The following PAPSS1 variants were observed in gnomAD, a reference collection of about 807,000 sequenced individuals.
The protein encoded by PAPSS1 is 3'-phosphoadenosine 5'-phosphosulfate synthase 1, also known as bifunctional 3'-phosphoadenosine 5'-phosphosulfate synthase 1.
Under a neutral mutation model 72.0 loss-of-function variants are expected in PAPSS1, and 50 were observed. The observed-to-expected ratio is 0.69, with a 90% CI of 0.55 to 0.88. The LOEUF is 0.88. Among genes scored for constraint, PAPSS1 ranks in the 40% least tolerant of loss-of-function variants. The probability of loss-of-function intolerance (pLI) is 0.00; values close to 1 mark genes in which losing one functional copy is unlikely to be tolerated. For missense variants in PAPSS1, 657 were observed against 782.2 expected, an observed-to-expected ratio of 0.84 and a Z score of 1.91; for synonymous variants, 261 against 263.6, an observed-to-expected ratio of 0.99 and a Z score of 0.09.
At chr4:107,651,802 A>T (rs558186906) in intron 9 of PAPSS1, among the ~76,000 whole-genome samples, 1 of 152,276 alleles carries the variant, frequency 6.6e-6, no homozygotes, top group Non-Finnish European at 1.5e-5. Context: ...TCAACAACTT[A>T]ATCTCTTACT....
intron 11 of PAPSS1, among the ~76,000 whole-genome samples, chr4:107,621,608 CTTTTTTTTTTT>C (rs10670438): frequency 0.016 from 789 of 48,154 alleles, 18 homozygotes; most frequent in African/African-American, 0.049. Context: ...GGTTTTTTAT[CTTTTTTTTTTT>C]TTTTTTTTTT....
intron 5 of PAPSS1, among the ~76,000 whole-genome samples, chr4:107,678,818 C>T (rs1170127695): frequency 6.6e-6 from 1 of 152,082 alleles, no homozygotes; most frequent in Non-Finnish European, 1.5e-5. Flanking sequence ...ACTCACCAGA[C>T]CCTTCTTTCA....
intron 5 of PAPSS1, among the ~76,000 whole-genome samples, chr4:107,674,231 A>C (rs1727576880): frequency 6.6e-6 from 1 of 152,218 alleles, no homozygotes; most frequent in African/African-American, 2.4e-5. Context: ...TAAAAGACAC[A>C]GACTGGCAAA....
chr4:107,683,364 G>GA (rs11286103), intron 4 of PAPSS1, among the ~76,000 whole-genome samples: 14 of 150,550 alleles, frequency 9.3e-5, no homozygotes, highest in East Asian at 5.8e-4. Flanking sequence ...AAATGGCTGG[G>GA]AAAAAAAAAA....
chr4:107,655,029 A>C (rs915244496), intron 7 of PAPSS1, 129 bp from the exon 8 acceptor site: 1 of 628,834 alleles, frequency 1.6e-6, no homozygotes, highest in African/African-American at 1.8e-5. Flanking sequence ...ACAGTATTCA[A>C]CTGGTACCTG....
intron 7 of PAPSS1, among the ~76,000 whole-genome samples, chr4:107,656,679 T>C (rs955110820): frequency 6.6e-6 from 1 of 152,120 alleles, no homozygotes; most frequent in African/African-American, 2.4e-5. Context: ...AGATTTTCCC[T>C]CTCTCTTTGC....
chr4:107,638,463 C>T (rs948844948), intron 10 of PAPSS1, among the ~76,000 whole-genome samples: 1 of 152,068 alleles, frequency 6.6e-6, no homozygotes, highest in Non-Finnish European at 1.5e-5. Flanking sequence ...TCAGAACAAC[C>T]AGCAACCAAA....
intron 10 of PAPSS1, among the ~76,000 whole-genome samples, chr4:107,632,213 T>C (rs1226881024): frequency 2.0e-5 from 3 of 152,114 alleles, no homozygotes; most frequent in African/African-American, 7.2e-5. Context: ...AGGTTAGAAG[T>C]CAGGATAATG....
intron 3 of PAPSS1, among the ~76,000 whole-genome samples, chr4:107,692,271 A>T (rs114404363): frequency 1.3e-5 from 2 of 152,186 alleles, no homozygotes; most frequent in Non-Finnish European, 2.9e-5. Context: ...ACAGAATGGG[A>T]TCAACAAGGA....
Position 107,614,117 on chromosome 4 carries a change from G to T in PAPSS1, c.*132C>A. The T allele has an allele frequency of 1.2e-6, 1 of 865,568 alleles. No homozygotes were observed. The highest frequency in any genetic ancestry group is 2.1e-5 in the South Asian group (1 of 48,350). The allele number at this position is 865,568 out of a possible 1,614,324, so 53.6% of individuals were successfully genotyped here. A position where few individuals can be genotyped will look rare whatever the true frequency, so the allele number is the denominator to read the frequency against. The stretch of plus-strand genomic sequence containing the variant: ...ACTCATAAGGCAGACCAAAACTGAT[G>T]CAAGTTAAGGAAAATGGTCTGTTTT... On this transcript the variant is annotated 3_prime_UTR_variant, in exon 12 of 12. Transcript: ENST00000265174.
chr4:107,689,971 T>C (rs1722876119), intron 3 of PAPSS1, among the ~76,000 whole-genome samples: 2 of 152,176 alleles, frequency 1.3e-5, no homozygotes, highest in Admixed American at 1.3e-4. Context: ...CAGGTCTTAC[T>C]GATGCTACTC....
At chr4:107,689,008 T>A (rs927972288) in intron 3 of PAPSS1, among the ~76,000 whole-genome samples, 1 of 152,194 alleles carries the variant, frequency 6.6e-6, no homozygotes, top group African/African-American at 2.4e-5. Flanking sequence ...GTCCTTCAGA[T>A]GTTACTTCTA....
At chr4:107,681,486 T>C (rs1038007815) in intron 5 of PAPSS1, among the ~76,000 whole-genome samples, 1 of 152,106 alleles carries the variant, frequency 6.6e-6, no homozygotes, top group African/African-American at 2.4e-5. Flanking sequence ...TGGGCCTGAG[T>C]ACCCTGGAGA....
intron 11 of PAPSS1, among the ~76,000 whole-genome samples, chr4:107,630,690 G>C (rs1486310679): frequency 3.3e-5 from 5 of 152,142 alleles, no homozygotes; most frequent in Non-Finnish European, 7.4e-5. Flanking sequence ...TTTGAAGACA[G>C]AAGTTGTGCT....
rs182526242 is a variant in PAPSS1, at chr4:107,654,719, T to A, written c.1077A>T (p.Thr359=). 9.3e-6 allele frequency: 15 copies of A among 1,613,234 alleles called. No homozygotes were observed. The East Asian group carries it at 3.1e-4, about 34-fold the overall frequency. Residue 359 remains threonine (T), a synonymous_variant, in exon 8 of 12, where the codon ACA becomes ACT. Transcript: ENST00000265174. ...CCTTAATATAGGGGTGGTTCTTGCATGTCGTTCCCCACTGTCTGGCACAGC... is the reference window on the plus strand; with the variant it reads ...CCTTAATATAGGGGTGGTTCTTGCAAGTCGTTCCCCACTGTCTGGCACAGC... The part of the protein sequence containing the change: ...EERCARQWGT[T]CKNHPYIKMV...
At chr4:107,686,324 C>T (rs1722785798) in intron 4 of PAPSS1, among the ~76,000 whole-genome samples, 1 of 152,196 alleles carries the variant, frequency 6.6e-6, no homozygotes, top group Admixed American at 6.5e-5. Flanking sequence ...AACCTATGTT[C>T]ATTCTTTTAT....
At chr4:107,655,355 T>C (rs2110319688) in intron 7 of PAPSS1, among the ~76,000 whole-genome samples, 1 of 152,336 alleles carries the variant, frequency 6.6e-6, no homozygotes, top group Middle Eastern at 3.4e-3. Flanking sequence ...ACAATTTATG[T>C]GGCAAGTTGA....
intron 6 of PAPSS1, among the ~76,000 whole-genome samples, chr4:107,657,476 G>A (rs1330944104): frequency 2.6e-5 from 4 of 152,138 alleles, no homozygotes. Context: ...CCAGCACTTT[G>A]GAGGCCAAAA....
intron 1 of PAPSS1, among the ~76,000 whole-genome samples, chr4:107,718,859 T>C (rs1723701309): frequency 6.6e-6 from 1 of 152,206 alleles, no homozygotes; most frequent in South Asian, 2.1e-4. Flanking sequence ...TCACCGCACA[T>C]TCAAATTCAT....
Sources: gnomAD v4.1 joint callset for allele counts (sites outside exome capture counted in the v4.1 genomes callset) on GRCh38, gnomAD v4.1.1 for gene constraint, MANE v1.5 for transcripts, NCBI Gene and HGNC (gene_info 2026-07-23, HGNC 2026-07-21) for gene names.